The following EFHC2 variants were observed in gnomAD, a reference collection of about 807,000 sequenced individuals.
EFHC2 encodes the protein EF-hand domain-containing family member C2.
EFHC2 carries 18 observed loss-of-function variants against 52.7 expected under a neutral mutation model. That is an observed-to-expected ratio of 0.34 (90% CI 0.24 to 0.51). EFHC2 has a LOEUF of 0.51. Among genes scored for constraint, EFHC2 ranks in the 20% least tolerant of loss-of-function variants. The probability of loss-of-function intolerance (pLI) is 0.97; values close to 1 mark genes in which losing one functional copy is unlikely to be tolerated. For synonymous variants in EFHC2, 203 were observed against 204.1 expected, an observed-to-expected ratio of 0.99 and a Z score of 0.04; for missense variants, 513 against 562.5, an observed-to-expected ratio of 0.91 and a Z score of 0.89.
At chrX:44,208,193 G>A (rs1408165965) in intron 11 of EFHC2, among the ~76,000 whole-genome samples, 2 of 112,131 alleles carry the variant, frequency 1.8e-5, no homozygotes, top group African/African-American at 3.2e-5. Flanking sequence ...CCAGTCCACT[G>A]TTGATGGGCA....
rs777095426 is a variant in EFHC2 at position 44,242,166 on chromosome X, G to A, written c.1235C>T (p.Pro412Leu). The A allele has an allele frequency of 4.1e-5, 50 of 1,205,419 alleles. No homozygotes were observed. The highest frequency in any genetic ancestry group is 5.4e-5 in the Non-Finnish European group (48 of 893,239). The change falls in exon 8 of 15, where the codon CCC becomes CTC. Residue 412 changes from proline to leucine, a missense_variant. Physicochemically the swap from Pro to Leu is moderately conservative, Grantham distance 98. Transcript: ENST00000420999. ...CTTGAAGTTCCTCCGATGAGGTGTG[G>A]GCTTGAGGTCTATGCAGTTACGGAG... Reference protein sequence around the residue: ...DSLRNCIDLKPTPHRRNFKKF... With the variant: ...DSLRNCIDLKLTPHRRNFKKF...
chrX:44,291,534 G>C (rs1027094665), intron 2 of EFHC2, among the ~76,000 whole-genome samples: 2 of 112,000 alleles, frequency 1.8e-5, no homozygotes, highest in African/African-American at 6.5e-5. Context: ...ATAAAATTTA[G>C]TTTTACTTGT....
chrX:44,288,754 AATTT>A (rs757643261), intron 2 of EFHC2, among the ~76,000 whole-genome samples: 8 of 112,104 alleles, frequency 7.1e-5, no homozygotes, highest in South Asian at 3.6e-4. Context: ...TGTGCTTTGA[AATTT>A]ATTTTTCTTT....
At chrX:44,164,545 C>T (rs1465547270) in intron 13 of EFHC2, among the ~76,000 whole-genome samples, 2 of 111,416 alleles carry the variant, frequency 1.8e-5, no homozygotes, top group Admixed American at 9.6e-5. Context: ...TTATTTAGAT[C>T]CAAATTTGCT....
chrX:44,253,034 G>A (rs1025809883), intron 4 of EFHC2, among the ~76,000 whole-genome samples: 2 of 111,284 alleles, frequency 1.8e-5, no homozygotes, highest in East Asian at 5.7e-4. Flanking sequence ...AAGGGGTCAG[G>A]GAACTCCCTC....
intron 4 of EFHC2, among the ~76,000 whole-genome samples, chrX:44,251,759 C>A (rs1419457285): frequency 9.4e-6 from 1 of 106,220 alleles, no homozygotes; most frequent in Non-Finnish European, 1.9e-5. Context: ...TGACAGAAAT[C>A]AGAACAGTAA....
intron 4 of EFHC2, among the ~76,000 whole-genome samples, chrX:44,256,996 A>C (rs1213188218): frequency 9.0e-6 from 1 of 111,564 alleles, no homozygotes; most frequent in Non-Finnish European, 1.9e-5. Flanking sequence ...GGTTCAACAT[A>C]TGCAAATCAA....
chrX:44,166,794 C>T (rs2036699532), intron 13 of EFHC2, among the ~76,000 whole-genome samples: 1 of 111,467 alleles, frequency 9.0e-6, no homozygotes, highest in South Asian at 3.8e-4. Context: ...TCCTCATATA[C>T]AATCCACTAA....
At chrX:44,205,242 A>C (rs1321964010) in intron 11 of EFHC2, among the ~76,000 whole-genome samples, 4 of 111,504 alleles carry the variant, frequency 3.6e-5, no homozygotes, top group Non-Finnish European at 5.7e-5. Flanking sequence ...TGCTACCACA[A>C]AAGCACACAT....
intron 2 of EFHC2, among the ~76,000 whole-genome samples, chrX:44,304,019 G>A (rs1240876314): frequency 8.9e-6 from 1 of 112,094 alleles, no homozygotes; most frequent in African/African-American, 3.2e-5. Flanking sequence ...TATGTAAATG[G>A]GGCTTAACTT....
At chrX:44,325,586 G>A (rs753424272) in intron 1 of EFHC2, among the ~76,000 whole-genome samples, 1 of 109,370 alleles carries the variant, frequency 9.1e-6, no homozygotes, top group Non-Finnish European at 1.9e-5. Flanking sequence ...TATCAAGGCC[G>A]CTACAGAAAC....
intron 11 of EFHC2, among the ~76,000 whole-genome samples, chrX:44,182,105 C>T (rs929791880): frequency 7.2e-5 from 8 of 111,616 alleles, no homozygotes; most frequent in Non-Finnish European, 1.3e-4. Flanking sequence ...TAACCCTCCT[C>T]CCTACCCAGA....
At chrX:44,267,511 C>T (rs1476026741) in intron 3 of EFHC2, among the ~76,000 whole-genome samples, 1 of 111,593 alleles carries the variant, frequency 9.0e-6, no homozygotes, top group East Asian at 2.8e-4. Flanking sequence ...AAACTCCCCC[C>T]ACCCTAAAAA....
Position 44,278,404 on chromosome X carries a change from C to T in EFHC2, c.232-5568G>A, listed in dbSNP as rs2037677014. Among the ~76,000 whole-genome samples the T allele has an allele frequency of 2.7e-5, 3 of 111,815 alleles. No homozygotes were observed. In the South Asian group the frequency reaches 1.1e-3, roughly 42 times the overall value. ...AACAAACAAACAAAAAACCCAGACC[C>T]TTGCCTAAGTAAGTTAAATCAGAAC... On this transcript the variant is annotated intron_variant, in intron 2 of 14. Coordinates refer to ENST00000420999, the MANE Select transcript of EFHC2 (RefSeq NM_025184.4).
At chrX:44,329,055 T>C (rs963418480) in intron 1 of EFHC2, among the ~76,000 whole-genome samples, 4 of 111,697 alleles carry the variant, frequency 3.6e-5, no homozygotes, top group African/African-American at 1.3e-4. Context: ...GCCAAGAACC[T>C]GAACACCCTC....
intron 7 of EFHC2, among the ~76,000 whole-genome samples, chrX:44,246,063 T>C (rs1312157836): frequency 3.6e-5 from 4 of 111,986 alleles, no homozygotes; most frequent in African/African-American, 9.8e-5. Context: ...ACCACAATGA[T>C]TGATGGGACT....
chrX:44,180,290 A>G, intron 11 of EFHC2, among the ~76,000 whole-genome samples: 1 of 111,839 alleles, frequency 8.9e-6, no homozygotes, highest in Non-Finnish European at 1.9e-5. Context: ...AGTAAGAGAA[A>G]ATAATTTCAG....
chrX:44,321,609 A>G (rs2038021256), intron 1 of EFHC2, among the ~76,000 whole-genome samples: 1 of 111,757 alleles, frequency 8.9e-6, no homozygotes, highest in Admixed American at 9.5e-5. Flanking sequence ...GAAGAACACC[A>G]GGAGAGTTTA....
chrX:44,174,676 G>T (rs1453120367), intron 13 of EFHC2, among the ~76,000 whole-genome samples: 5 of 104,854 alleles, frequency 4.8e-5, no homozygotes, highest in African/African-American at 1.8e-4. Context: ...GAAGGCAGGA[G>T]GTATATGTGT....
Sources: allele counts gnomAD v4.1 joint callset (sites outside exome capture counted in the v4.1 genomes callset), GRCh38; gene constraint gnomAD v4.1.1; transcripts MANE v1.5; gene names NCBI Gene and HGNC (gene_info 2026-07-23, HGNC 2026-07-21).